The following CWC27 variants were observed in gnomAD, a reference collection of about 807,000 sequenced individuals.
CWC27 encodes spliceosome-associated protein CWC27 homolog.
In CWC27, 47 loss-of-function variants were observed where a neutral mutation model predicts 63.6. The ratio of observed to expected loss-of-function variants is 0.74; its 90% CI spans 0.58 to 0.94. The LOEUF (loss-of-function observed/expected upper bound fraction) is 0.94, where lower values mean the gene tolerates loss of function less well. Ranked by LOEUF, CWC27 falls within the 40% of genes least tolerant of loss-of-function variation. The pLI is 0.00. For synonymous variants in CWC27, 175 were observed against 179.8 expected, an observed-to-expected ratio of 0.97 and a Z score of 0.22; for missense variants, 495 against 554.3, an observed-to-expected ratio of 0.89 and a Z score of 1.07.
chr5:64,808,880 G>T (rs1475615814), intron 10 of CWC27, among the ~76,000 whole-genome samples: 3 of 152,062 alleles, frequency 2.0e-5, no homozygotes, highest in African/African-American at 7.2e-5. Flanking sequence ...AGAATTGTCT[G>T]GTCTGAGGTA....
intron 10 of CWC27, among the ~76,000 whole-genome samples, chr5:64,875,509 T>C (rs1464221994): frequency 6.6e-6 from 1 of 152,186 alleles, no homozygotes; most frequent in Non-Finnish European, 1.5e-5. Flanking sequence ...TTTCTAAGTA[T>C]GTATGCATTT....
intron 11 of CWC27, among the ~76,000 whole-genome samples, chr5:64,895,082 C>G (rs749134814): frequency 1.3e-5 from 2 of 152,298 alleles, no homozygotes; most frequent in Non-Finnish European, 2.9e-5. Flanking sequence ...GCCCTCCCAT[C>G]AGTTAGGAGT....
chr5:64,979,985 A>AAG (rs1554028711), intron 13 of CWC27, among the ~76,000 whole-genome samples: 6 of 147,664 alleles, frequency 4.1e-5, no homozygotes, highest in Admixed American at 6.8e-5. Flanking sequence ...AAAAAAAAAA[A>AAG]GAGAGAGGGA....
At chr5:64,771,408 G>A (rs1464325625) in intron 1 of CWC27, among the ~76,000 whole-genome samples, 2 of 152,216 alleles carry the variant, frequency 1.3e-5, no homozygotes, top group Non-Finnish European at 2.9e-5. Context: ...CATGATACCA[G>A]TGCTTGGTCC....
intron 10 of CWC27, among the ~76,000 whole-genome samples, chr5:64,845,242 C>G (rs1745945393): frequency 6.6e-6 from 1 of 152,206 alleles, no homozygotes; most frequent in Non-Finnish European, 1.5e-5. Context: ...GAACCTCTAT[C>G]CATGCCAAAG....
chr5:65,001,342 T>C (rs573505295), intron 13 of CWC27, among the ~76,000 whole-genome samples: 3 of 152,270 alleles, frequency 2.0e-5, no homozygotes, highest in African/African-American at 7.2e-5. Flanking sequence ...TGACTAGGAC[T>C]TCCAGTACCA....
intron 11 of CWC27, among the ~76,000 whole-genome samples, chr5:64,910,383 CT>C (rs1747758882): frequency 6.6e-6 from 1 of 152,226 alleles, no homozygotes. Flanking sequence ...GGAGGTGTCT[CT>C]CAGTTAGGCT....
intron 10 of CWC27, among the ~76,000 whole-genome samples, chr5:64,861,654 A>G (rs1057243242): frequency 6.6e-6 from 1 of 152,230 alleles, no homozygotes; most frequent in Non-Finnish European, 1.5e-5. Context: ...AACCTTTAAT[A>G]TATGAATAAA....
chr5:64,830,272 T>G (rs1301286944), intron 10 of CWC27, among the ~76,000 whole-genome samples: 1 of 151,912 alleles, frequency 6.6e-6, no homozygotes, highest in African/African-American at 2.4e-5. Context: ...CATGCAGTAT[T>G]TGGTTTTCTA....
chr5:65,012,905 T>C (rs1381840405), intron 13 of CWC27, among the ~76,000 whole-genome samples: 2 of 152,218 alleles, frequency 1.3e-5, no homozygotes, highest in African/African-American at 2.4e-5. Flanking sequence ...AAGTTACTGA[T>C]GCTGGGACCC....
chr5:64,973,994 G>T (rs1006229070), intron 12 of CWC27, among the ~76,000 whole-genome samples: 1 of 151,952 alleles, frequency 6.6e-6, no homozygotes, highest in Non-Finnish European at 1.5e-5. Flanking sequence ...CAGGACTTTG[G>T]GAGGCCAAGA....
chr5:64,842,840 A>G (rs1218587061), intron 10 of CWC27, among the ~76,000 whole-genome samples: 2 of 151,150 alleles, frequency 1.3e-5, no homozygotes, highest in Non-Finnish European at 3.0e-5. Flanking sequence ...GACTCAAGCA[A>G]TCCGCCCACC....
chr5:64,931,065 A>G (rs1748227927), intron 11 of CWC27, among the ~76,000 whole-genome samples: 1 of 152,148 alleles, frequency 6.6e-6, no homozygotes, highest in Non-Finnish European at 1.5e-5. Context: ...AAATAATACT[A>G]AAAAGGACAT....
At chr5:64,951,166 G>T (rs1056489715) in intron 11 of CWC27, among the ~76,000 whole-genome samples, 1 of 151,788 alleles carries the variant, frequency 6.6e-6, no homozygotes, top group Non-Finnish European at 1.5e-5. Flanking sequence ...TTCCAAAGTG[G>T]CTATATCACT....
chr5:64,893,686 G>T (rs1388757742), intron 11 of CWC27, among the ~76,000 whole-genome samples: 1 of 152,148 alleles, frequency 6.6e-6, no homozygotes, highest in East Asian at 1.9e-4. Context: ...CAAATACTGA[G>T]AAATCATTGA....
intron 13 of CWC27, among the ~76,000 whole-genome samples, chr5:64,992,839 TAC>T (rs1749563303): frequency 6.6e-6 from 1 of 152,112 alleles, no homozygotes; most frequent in Non-Finnish European, 1.5e-5. Flanking sequence ...TGCCACTTTC[TAC>T]ACTTTTTTAA....
chr5:65,011,437 G>A (rs1008694123), intron 13 of CWC27, among the ~76,000 whole-genome samples: 2 of 152,226 alleles, frequency 1.3e-5, no homozygotes, highest in African/African-American at 2.4e-5. Context: ...ATAACACTCA[G>A]CTAACTGAGA....
intron 7 of CWC27, 92 bp from the exon 8 acceptor site, chr5:64,800,156 A>C: frequency 2.4e-6 from 2 of 820,930 alleles, no homozygotes; most frequent in Middle Eastern, 5.5e-4. Context: ...ACCATATTAT[A>C]TCATTGCTAG....
At chr5:64,803,908 G>A (rs1388164338) in intron 9 of CWC27, among the ~76,000 whole-genome samples, 1 of 152,050 alleles carries the variant, frequency 6.6e-6, no homozygotes, top group Non-Finnish European at 1.5e-5. Flanking sequence ...ATTTCCCACT[G>A]AGATAAGAAT....
Sources: gnomAD v4.1 joint callset for allele counts (sites outside exome capture counted in the v4.1 genomes callset) on GRCh38, gnomAD v4.1.1 for gene constraint, MANE v1.5 for transcripts, NCBI Gene and HGNC (gene_info 2026-07-23, HGNC 2026-07-21) for gene names.